The following ZNF469 variants were observed in gnomAD, a reference collection of about 807,000 sequenced individuals.
The protein encoded by ZNF469 is zinc finger protein 469.
ZNF469 carries 1 observed loss-of-function variant against 1.0 expected under a neutral mutation model. The observed-to-expected ratio is 1.00, with a 90% confidence interval of 0.35 to 4.73. ZNF469 has a LOEUF of 4.73. Among genes scored for constraint, ZNF469 ranks in the 30% most tolerant of loss-of-function variants. The pLI, the probability that ZNF469 is intolerant of heterozygous loss-of-function variation, is 0.16. For synonymous variants in ZNF469, 2,703 were observed against 2,363.4 expected, an observed-to-expected ratio of 1.14 and a Z score of -4.17; for missense variants, 6,100 against 5,356.3, an observed-to-expected ratio of 1.14 and a Z score of -4.33.
chr16:88,168,912 A>G, the ZNF469 span, among the ~76,000 whole-genome samples: 2 of 150,394 alleles, frequency 1.3e-5, no homozygotes, highest in Admixed American at 6.7e-5. This position sits in a 1 kb window ranked among gnomAD's most constrained non-coding sequence, Gnocchi z 4.3. Flanking sequence ...CCTGGACAAC[A>G]TAGTGAGACC....
the ZNF469 span, among the ~76,000 whole-genome samples, chr16:88,301,052 G>A: frequency 6.6e-6 from 1 of 151,998 alleles, no homozygotes; most frequent in African/African-American, 2.4e-5. Context: ...GCAACAGAGC[G>A]AGACTGTCTC....
chr16:88,157,300 C>G, the ZNF469 span, among the ~76,000 whole-genome samples: 3 of 152,228 alleles, frequency 2.0e-5, no homozygotes, highest in Admixed American at 6.5e-5. Context: ...CAGTGGAGCC[C>G]CACAGCCTCA....
chr16:88,384,528 G>A (rs1001931681), intron 1 of ZNF469, among the ~76,000 whole-genome samples: 1 of 152,238 alleles, frequency 6.6e-6, no homozygotes, highest in Admixed American at 6.5e-5. Context: ...CCTGGGAGAC[G>A]TGTCTTCCAT....
the ZNF469 span, among the ~76,000 whole-genome samples, chr16:88,312,427 T>G: frequency 2.6e-5 from 4 of 152,364 alleles, no homozygotes; most frequent in African/African-American, 9.6e-5. Flanking sequence ...TTTTTGTTGT[T>G]TCTTTAATCC....
chr16:88,365,411 G>A, the ZNF469 span, among the ~76,000 whole-genome samples: 13 of 152,342 alleles, frequency 8.5e-5, 1 homozygote, highest in South Asian at 4.1e-4. Flanking sequence ...ACCCACTGGA[G>A]CCAGTGGTCA....
At chr16:88,382,204 C>T (rs1023040239), upstream of ZNF469, among the ~76,000 whole-genome samples, 2 of 152,216 alleles carry the variant, frequency 1.3e-5, no homozygotes, top group African/African-American at 2.4e-5. Context: ...CTGGGACAGC[C>T]GGGGACGGGC....
the ZNF469 span, among the ~76,000 whole-genome samples, chr16:88,153,584 T>C: frequency 6.6e-6 from 1 of 152,250 alleles, no homozygotes; most frequent in African/African-American, 2.4e-5. Flanking sequence ...GAGAAGGTCA[T>C]AGCAGCCCTC....
At chr16:88,346,091 C>A in the ZNF469 span, among the ~76,000 whole-genome samples, 2 of 152,162 alleles carry the variant, frequency 1.3e-5, no homozygotes, top group Non-Finnish European at 2.9e-5. Context: ...ACTTCACAGC[C>A]GAGAGCATTA....
chr16:88,264,231 T>A, the ZNF469 span, among the ~76,000 whole-genome samples: 1 of 151,938 alleles, frequency 6.6e-6, no homozygotes, highest in African/African-American at 2.4e-5. Context: ...TCCTTCCTCC[T>A]CCCACACCGA....
the ZNF469 span, among the ~76,000 whole-genome samples, chr16:88,288,940 C>G: frequency 6.6e-6 from 1 of 152,088 alleles, no homozygotes; most frequent in South Asian, 2.1e-4. Flanking sequence ...AGCAGACACT[C>G]CATACATCCA....
the ZNF469 span, among the ~76,000 whole-genome samples, chr16:88,103,793 G>C: frequency 6.7e-6 from 1 of 149,800 alleles, no homozygotes; most frequent in Non-Finnish European, 1.5e-5. Context: ...TGGCATGGGG[G>C]GTTGGTGGGA....
chr16:88,378,443 G>A (rs947760942), upstream of ZNF469, among the ~76,000 whole-genome samples: 9 of 152,294 alleles, frequency 5.9e-5, no homozygotes, highest in South Asian at 8.3e-4. Flanking sequence ...GTGCTTGCAC[G>A]CATCGTAACG....
the ZNF469 span, among the ~76,000 whole-genome samples, chr16:88,237,763 C>CCCGCCA: frequency 8.2e-6 from 1 of 121,822 alleles, no homozygotes; most frequent in East Asian, 2.3e-4. Flanking sequence ...CCTCCTTGCT[C>CCCGCCA]CTGCCACTCA....
At chr16:88,400,637 A>G (rs113912377) in intron 1 of ZNF469, among the ~76,000 whole-genome samples, 1,785 of 152,232 alleles carry the variant, frequency 0.012, 43 homozygotes, top group African/African-American at 0.041. Context: ...CTGGACCCAG[A>G]GCCAGCTCTG....
Position 88,436,532 on chromosome 16 carries a change from C to A in ZNF469, c.9062C>A (p.Pro3021His), listed in dbSNP as rs1454452930. Residue 3021 changes from proline (P) to histidine (H), a missense_variant, in exon 3 of 3, where the codon CCC becomes CAC. Coordinates refer to ENST00000565624, the MANE Select transcript of ZNF469 (RefSeq NM_001367624.2). ...SSLGDVSPEP[P>H]SLERERCDGG... is the part of the protein sequence containing the mutation. ...CTCGGAGATGTGAGCCCCGAGCCCC[C>A]CAGCCTGGAGAGAGAACGCTGTGAC... 9 of 1,549,388 alleles carry A rather than the reference C, an allele frequency of 5.8e-6. No individual in the cohort carries two copies. The highest frequency in any genetic ancestry group is 1.7e-6 in the Non-Finnish European group (2 of 1,146,924).
the ZNF469 span, among the ~76,000 whole-genome samples, chr16:88,157,074 C>T: frequency 1.8e-4 from 27 of 152,346 alleles, no homozygotes; most frequent in African/African-American, 6.3e-4. Context: ...GCAGCCGATG[C>T]AGGGATGCCC....
At chr16:88,291,557 A>T in the ZNF469 span, among the ~76,000 whole-genome samples, 33 of 152,202 alleles carry the variant, frequency 2.2e-4, 1 homozygote, top group East Asian at 5.6e-3. Flanking sequence ...GGCTTGCCTG[A>T]TGTCTTCCAG....
At chr16:88,208,112 A>C in the ZNF469 span, among the ~76,000 whole-genome samples, 3 of 151,804 alleles carry the variant, frequency 2.0e-5, no homozygotes, top group Non-Finnish European at 2.9e-5. Context: ...GGCTTTTTAA[A>C]GATTTAATGG....
chr16:88,269,570 A>G, the ZNF469 span, among the ~76,000 whole-genome samples: 61,382 of 151,494 alleles, frequency 0.41, 12,559 homozygotes, highest in East Asian at 0.46. Flanking sequence ...TGCACACACT[A>G]TGGGCCCCGC....
Sources: allele counts gnomAD v4.1 joint callset (sites outside exome capture counted in the v4.1 genomes callset), GRCh38; gene constraint gnomAD v4.1.1; non-coding constraint Gnocchi (gnomAD v3.1); transcripts MANE v1.5; gene names NCBI Gene and HGNC (gene_info 2026-07-23, HGNC 2026-07-21).